The following WDR48 variants were observed in gnomAD, a reference collection of about 807,000 sequenced individuals.
WDR48 encodes WD repeat domain 48.
WDR48 carries 22 observed loss-of-function variants against 94.0 expected under a neutral mutation model. The observed-to-expected ratio is 0.23, with a 90% CI of 0.17 to 0.33. WDR48 has a LOEUF of 0.33. Ranked by LOEUF, WDR48 falls within the 10% of genes least tolerant of loss-of-function variation. WDR48 has a pLI of 1.00. For synonymous variants in WDR48, 278 were observed against 280.5 expected, an observed-to-expected ratio of 0.99 and a Z score of 0.09; for missense variants, 541 against 813.8, an observed-to-expected ratio of 0.66 and a Z score of 4.08.
At chr3:39,083,992 C>A (rs935736527) in intron 11 of WDR48, among the ~76,000 whole-genome samples, 163 bp from the exon 12 acceptor site, 1 of 152,136 alleles carries the variant, frequency 6.6e-6, no homozygotes, top group African/African-American at 2.4e-5. Flanking sequence ...TTTTTTATAG[C>A]AGCAGATTGT....
intron 7 of WDR48, among the ~76,000 whole-genome samples, chr3:39,071,444 G>A (rs1268663400): frequency 6.6e-6 from 1 of 152,278 alleles, no homozygotes; most frequent in Middle Eastern, 3.4e-3. Context: ...AGGATTGGGC[G>A]GGATCATATC....
intron 11 of WDR48, 78 bp downstream of exon 11, chr3:39,079,886 G>T: frequency 1.3e-6 from 1 of 761,712 alleles, no homozygotes; most frequent in South Asian, 2.8e-5. Flanking sequence ...TATGTGATAA[G>T]ATAATATAAA....
rs777913143 is a variant in WDR48 at position 39,093,970 on chromosome 3, T to G, written c.1842T>G (p.Thr614=). ...ACTTGGATAATGAGTCTCAAACCAC[T>G]AGCTCTTCTAATAATGAAAAACCAG... ...IINLDNESQT[T]SSSNNEKPGE... Residue 614 remains threonine (T), a synonymous_variant, in exon 18 of 19, where the codon ACT becomes ACG. Coordinates refer to ENST00000302313, the MANE Select transcript of WDR48 (RefSeq NM_020839.4). The G allele has an allele frequency of 6.2e-7, 1 of 1,614,104 alleles. No homozygotes were observed. The highest frequency in any genetic ancestry group is 2.2e-5 in the East Asian group (1 of 44,880).
chr3:39,063,936 G>A (rs1460835507), intron 2 of WDR48, among the ~76,000 whole-genome samples: 2 of 152,254 alleles, frequency 1.3e-5, no homozygotes, highest in Non-Finnish European at 2.9e-5. Flanking sequence ...GGGCAACAGA[G>A]GGAGACCTTG....
chr3:39,078,045 T>G (rs913093853), intron 9 of WDR48, 92 bp from the exon 10 acceptor site: 2 of 937,446 alleles, frequency 2.1e-6, no homozygotes, highest in Non-Finnish European at 3.3e-6. Context: ...TTTTCTTGTT[T>G]GTTTTTTGAC....
In WDR48 at chr3:39,072,389, C is replaced by G. The variant is rs116797350; in HGVS notation, c.673-2337C>G. 6.1e-3 allele frequency among the ~76,000 whole-genome samples: 928 copies of G among 152,310 alleles called. 11 individuals are homozygous for G. Among genetic ancestry groups the G allele is most frequent in the African/African-American group, 0.021 (878 of 41,554 alleles). ...CACTCAAAGGGTTCTTTTGGTAATA[C>G]AAGTCTGCTGATCCTAGCTTATGGG... is the stretch of plus-strand genomic sequence containing the variant. On this transcript the variant is annotated intron_variant, in intron 7 of 18. Coordinates refer to ENST00000302313, the MANE Select transcript of WDR48 (RefSeq NM_020839.4).
chr3:39,092,246 T>C (rs1017630266), intron 17 of WDR48, among the ~76,000 whole-genome samples: 3 of 152,172 alleles, frequency 2.0e-5, no homozygotes, highest in African/African-American at 4.8e-5. Context: ...AACCTGTATA[T>C]AATAGTTGTT....
chr3:39,078,197 C>G lies in WDR48; in HGVS notation c.1033C>G (p.Pro345Ala), dbSNP rs2034329392. The G allele has an allele frequency of 1.2e-6, 2 of 1,613,128 alleles. No homozygotes were observed. Among genetic ancestry groups the G allele is most frequent in the Non-Finnish European group, 1.7e-6 (2 of 1,179,518 alleles). ...SGDYDNDCTN[P>A]ITPLCTQPDQ... ...AGATTATGACAATGACTGTACAAATCCTATAACACCTCTTTGTACACAACC... is the reference window on the plus strand; with the variant it reads ...AGATTATGACAATGACTGTACAAATGCTATAACACCTCTTTGTACACAACC... The change falls in exon 10 of 19, where the codon CCT (proline) becomes GCT (alanine). Residue 345 changes from proline (P) to alanine (A), a missense_variant. Coordinates refer to ENST00000302313, the MANE Select transcript of WDR48 (RefSeq NM_020839.4).
intron 9 of WDR48, chr3:39,077,920 A>T (rs1189625927): frequency 2.3e-6 from 1 of 443,224 alleles, no homozygotes; most frequent in Non-Finnish European, 4.1e-6. Context: ...GCTTTCATGC[A>T]TAGTTTTCTC....
At chr3:39,073,149 G>T (rs893290437) in intron 7 of WDR48, among the ~76,000 whole-genome samples, 3 of 152,108 alleles carry the variant, frequency 2.0e-5, no homozygotes, top group African/African-American at 7.2e-5. Context: ...TAAAAGCTTT[G>T]CCACCTCAGA....
At chr3:39,089,169 T>C (rs2034960483) in intron 15 of WDR48, 62 bp from the exon 16 acceptor site, 2 of 1,469,748 alleles carry the variant, frequency 1.4e-6, no homozygotes, top group Admixed American at 3.5e-5. Flanking sequence ...CTAATATTTG[T>C]TGACAGTGAT....
At chr3:39,093,465 G>A (rs2035191384) in intron 17 of WDR48, among the ~76,000 whole-genome samples, 1 of 152,178 alleles carries the variant, frequency 6.6e-6, no homozygotes, top group African/African-American at 2.4e-5. Flanking sequence ...CTGAGTAGCT[G>A]GAATTACAGG....
intron 15 of WDR48, among the ~76,000 whole-genome samples, chr3:39,088,987 C>T (rs1156388030): frequency 6.6e-6 from 1 of 152,180 alleles, no homozygotes; most frequent in Non-Finnish European, 1.5e-5. Context: ...TGTCATCACC[C>T]AAGGACTCCA....
At chr3:39,071,381 G>A (rs1040123868) in intron 7 of WDR48, among the ~76,000 whole-genome samples, 3 of 152,184 alleles carry the variant, frequency 2.0e-5, no homozygotes. Flanking sequence ...TTGCAGTGTA[G>A]CTGCAAGGCT....
rs767044689 is a variant in WDR48, at chr3:39,066,621, G to A, written c.342G>A (p.Arg114=). The A allele has an allele frequency of 2.5e-6, 4 of 1,613,816 alleles. No individual in the cohort carries two copies. The highest frequency in any genetic ancestry group is 3.4e-6 in the Non-Finnish European group (4 of 1,179,890). Reference sequence around the variant, plus strand: ...AGGGATTTTGCATGTCAACATTAAGGACACATAAGGTAAAACAATACAGTT... The same window carrying A: ...AGGGATTTTGCATGTCAACATTAAGAACACATAAGGTAAAACAATACAGTT... The part of the protein sequence containing the change: ...AHKGFCMSTL[R]THKDYVKALA... The change falls in exon 4 of 19, where the codon AGG becomes AGA. Residue 114 remains arginine (R), a synonymous_variant. Transcript: ENST00000302313.
At chr3:39,065,033 G>A (rs750688573) in intron 2 of WDR48, among the ~76,000 whole-genome samples, 23 of 152,276 alleles carry the variant, frequency 1.5e-4, no homozygotes, top group Non-Finnish European at 3.2e-4. Context: ...TTCCTTTTAT[G>A]ACAAGATTGA....
chr3:39,086,994 C>T (rs1439591528), intron 14 of WDR48, among the ~76,000 whole-genome samples: 3 of 152,140 alleles, frequency 2.0e-5, no homozygotes, highest in African/African-American at 7.2e-5. Context: ...TTCAGGGGCC[C>T]TTACCAAGTT....
At chr3:39,077,858 T>C (rs565178356) in intron 9 of WDR48, among the ~76,000 whole-genome samples, 3 of 152,380 alleles carry the variant, frequency 2.0e-5, no homozygotes, top group African/African-American at 4.8e-5. Context: ...CTTGTGTTAA[T>C]TTCATCATGC....
At chr3:39,081,926 A>G (rs569027925) in intron 11 of WDR48, among the ~76,000 whole-genome samples, 2 of 152,174 alleles carry the variant, frequency 1.3e-5, no homozygotes, top group Admixed American at 6.5e-5. Context: ...TTTGATATCA[A>G]ATGATCTGGT....
Sources: gnomAD v4.1 joint callset for allele counts (sites outside exome capture counted in the v4.1 genomes callset) on GRCh38, gnomAD v4.1.1 for gene constraint, MANE v1.5 for transcripts, NCBI Gene and HGNC (gene_info 2026-07-23, HGNC 2026-07-21) for gene names.